HTR3D: variants seen among roughly 807,000 people sequenced by gnomAD.
The protein encoded by HTR3D is 5-hydroxytryptamine (serotonin) receptor 3 family member D.
A neutral mutation model predicts 45.8 loss-of-function variants in HTR3D; 47 were observed. That is an observed-to-expected ratio of 1.03 (90% CI 0.81 to 1.31). The LOEUF (loss-of-function observed/expected upper bound fraction) is 1.31, where lower values mean the gene tolerates loss of function less well. Ranked by LOEUF, HTR3D falls within the 50% of genes most tolerant of loss-of-function variation. HTR3D has a pLI of 0.00. For missense variants in HTR3D, 448 were observed against 506.9 expected (o/e 0.88, Z 1.12); for synonymous variants, 203 against 199.8 (o/e 1.02, Z -0.13).
chr3:184,038,815 C>T lies in HTR3D; in HGVS notation c.1055C>T (p.Ser352Leu), dbSNP rs373301720. ...GPGEAELTGG[S>L]EWTRAQREHE... ...GGGGAGGCAGAGCTGACAGGGGGCT[C>T]AGAATGGACAAGGGCCCAGCGGGAA... is the stretch of plus-strand genomic sequence containing the variant. Residue 352 changes from serine to leucine, a missense_variant, in exon 8 of 8, where the codon TCA becomes TTA. By Grantham distance (145) the Ser-to-Leu change is moderately radical. Transcript: ENST00000428798. This position sits in a 1 kb window ranked among gnomAD's most constrained non-coding sequence, Gnocchi z 4.5. 2 of 1,614,000 alleles carry T rather than the reference C, an allele frequency of 1.2e-6. No individual in the cohort carries two copies. The highest frequency in any genetic ancestry group is 2.2e-5 in the East Asian group (1 of 44,876).
intron 1 of HTR3D, among the ~76,000 whole-genome samples, chr3:184,034,268 T>C (rs893934720): frequency 9.9e-5 from 15 of 152,154 alleles, no homozygotes; most frequent in Non-Finnish European, 2.1e-4. Context: ...TATGCAGCCT[T>C]CAAATGGAAC....
intron 1 of HTR3D, 185 bp from the exon 2 acceptor site, chr3:184,034,993 T>C: frequency 7.4e-7 from 1 of 1,357,758 alleles, no homozygotes. Flanking sequence ...TGGACCTTCA[T>C]ACTGTGTTTT....
chr3:184,033,010 T>G, intron 1 of HTR3D: 1 of 1,551,962 alleles, frequency 6.4e-7, no homozygotes, highest in Non-Finnish European at 8.7e-7. Context: ...CCAACTACAG[T>G]GTCGCCACTC....
Position 184,039,168 on chromosome 3 carries a change from T to C in HTR3D, c.*193T>C. 1.7e-6 allele frequency: 1 copy of C among 596,734 alleles called. No homozygotes were observed. The highest frequency in any genetic ancestry group is 2.9e-6 in the Non-Finnish European group (1 of 342,708). The allele number at this position is 596,734 out of a possible 1,614,324, so 37.0% of individuals were successfully genotyped here. A position where few individuals can be genotyped will look rare whatever the true frequency, so the allele number is the denominator to read the frequency against. ...GTCGGGTCCTTGCTCCTGCATGCCA[T>C]CAGCCCCACTCAGCCCTCCCATACC... On this transcript the variant is annotated 3_prime_UTR_variant, in exon 8 of 8. Coordinates refer to ENST00000428798, the MANE Select transcript of HTR3D (RefSeq NM_001145143.1).
intron 2 of HTR3D, among the ~76,000 whole-genome samples, chr3:184,035,740 C>T (rs1225334728): frequency 6.6e-6 from 1 of 150,858 alleles, no homozygotes; most frequent in African/African-American, 2.4e-5. Context: ...GGCTCAAGGG[C>T]AGTGGTGCGA....
intron 5 of HTR3D, 95 bp downstream of exon 5, chr3:184,036,991 G>A: frequency 2.4e-6 from 3 of 1,256,796 alleles, no homozygotes; most frequent in Non-Finnish European, 3.3e-6. Context: ...GCCTCCCAAA[G>A]TGCTGGGATT....
At position 184,031,756 on chromosome 3, in the gene HTR3D, G is replaced by T; in HGVS notation, c.15G>T (p.Trp5Cys). ...AAGAGAGGAAGATGGAAAGAGGCTG[G>T]TTCCATGGGAAAGGATTCCTCCTTG... MERG[W>C]FHGKGFLLGF... Residue 5 changes from tryptophan to cysteine, a missense_variant, in exon 1 of 8, where the codon TGG becomes TGT. Coordinates refer to ENST00000428798, the MANE Select transcript of HTR3D (RefSeq NM_001145143.1). 6.4e-7 allele frequency: 1 copy of T among 1,551,364 alleles called. No homozygotes were observed. Among genetic ancestry groups the T allele is most frequent in the Non-Finnish European group, 8.7e-7 (1 of 1,146,764 alleles).
chr3:184,031,737 G>C, upstream of HTR3D: 1 of 1,550,084 alleles, frequency 6.5e-7, no homozygotes, highest in South Asian at 1.2e-5. Context: ...GCCAAAGAGA[G>C]GAAGATGGAA....
intron 5 of HTR3D, 24 bp from the exon 6 acceptor site, chr3:184,037,997 G>T: frequency 1.2e-6 from 2 of 1,609,782 alleles, no homozygotes; most frequent in Non-Finnish European, 1.7e-6. Context: ...CTTCTCACTT[G>T]CCCCTCCTTC....
rs1387738852 is a variant in HTR3D at position 184,032,829 on chromosome 3, C to A, written c.66+1022C>A. ...TCTCCCAGTGCCCCCTGTTTTCTCT[C>A]CATGCAGAAACACTCTCCAGGCCCC... is the stretch of plus-strand genomic sequence containing the variant. On this transcript the variant is annotated intron_variant, in intron 1 of 7. Coordinates refer to ENST00000428798, the MANE Select transcript of HTR3D (RefSeq NM_001145143.1). The A allele has an allele frequency of 2.6e-6, 4 of 1,549,884 alleles. No homozygotes were observed. In the East Asian group the frequency reaches 7.3e-5, roughly 28 times the overall value.
At position 184,036,232 on chromosome 3, in the gene HTR3D, G is replaced by A. The variant is rs564586180; in HGVS notation, c.197+132G>A. 27 of 1,485,048 alleles carry A rather than the reference G, an allele frequency of 1.8e-5. No individual in the cohort carries two copies. In the African/African-American group the frequency reaches 2.4e-4, roughly 13 times the overall value. The allele number at this position is 1,485,048 out of a possible 1,614,324, so 92.0% of individuals were successfully genotyped here. On this transcript the variant is annotated intron_variant, in intron 3 of 7. Transcript: ENST00000428798. ...GAATTGAAGAGCTTACAAACCCCCAGAATATGATTATAGGTAGAAGAGAGC... is the reference window on the plus strand; with the variant it reads ...GAATTGAAGAGCTTACAAACCCCCAAAATATGATTATAGGTAGAAGAGAGC...
intron 2 of HTR3D, 81 bp from the exon 3 acceptor site, chr3:184,035,934 C>T (rs771771341): frequency 2.5e-5 from 35 of 1,389,668 alleles, no homozygotes; most frequent in Non-Finnish European, 3.4e-5. Context: ...CTTCAGTGAT[C>T]CCCCCGCCTC....
chr3:184,036,410 T>C lies in HTR3D; in HGVS notation c.233T>C (p.Met78Thr), dbSNP rs868204428. The change falls in exon 4 of 8, where the codon ATG becomes ACG. Residue 78 changes from methionine to threonine, a missense_variant. Physicochemically the swap from Met to Thr is moderately conservative, Grantham distance 81 (BLOSUM62 -1). Coordinates refer to ENST00000428798, the MANE Select transcript of HTR3D (RefSeq NM_001145143.1). ...DQTPAGLMAS[M>T]SIVKATSNTI... is the part of the protein sequence containing the mutation. ...ACACCTGCAGGTCTCATGGCTAGTA[T>C]GTCAATAGTGAAGGCCACATCAAAC... The C allele has an allele frequency of 8.7e-6, 14 of 1,614,066 alleles. No individual in the cohort carries two copies. Among genetic ancestry groups the C allele is most frequent in the Non-Finnish European group, 1.2e-5 (14 of 1,180,048 alleles).
In HTR3D at chr3:184,035,268, T is replaced by C. The variant is rs1387115761; in HGVS notation, c.111+46T>C. Reference sequence around the variant, plus strand: ...CCTTTCCTCTACTCTGGTGCCTCTCTTTTTTCCACTCCTAGGTCCAGCTTT... The same window carrying C: ...CCTTTCCTCTACTCTGGTGCCTCTCCTTTTTCCACTCCTAGGTCCAGCTTT... On this transcript the variant is annotated intron_variant, in intron 2 of 7. Transcript: ENST00000428798. 4.1e-6 allele frequency: 6 copies of C among 1,474,372 alleles called. No individual in the cohort carries two copies. The African/African-American group carries it at 8.4e-5, about 21-fold the overall frequency. The allele number at this position is 1,474,372 out of a possible 1,614,324, so 91.3% of individuals were successfully genotyped here. A position where few individuals can be genotyped will look rare whatever the true frequency, so the allele number is the denominator to read the frequency against.
intron 1 of HTR3D, among the ~76,000 whole-genome samples, chr3:184,034,836 G>GA (rs1447243860): frequency 6.6e-6 from 1 of 151,998 alleles, no homozygotes; most frequent in Non-Finnish European, 1.5e-5. Context: ...TCAAAAAAAA[G>GA]AAAAAATGAT....
chr3:184,032,912 A>C, intron 1 of HTR3D: 1 of 1,552,446 alleles, frequency 6.4e-7, no homozygotes, highest in Non-Finnish European at 8.7e-7. Context: ...CGACACTTTG[A>C]TTATCAATTG....
Position 184,038,173 on chromosome 3 carries a change from C to T in HTR3D, c.669C>T (p.Tyr223=). Reference sequence around the variant, plus strand: ...TCAAGATGACTGTTCTGCTGGGCTACAGCGTCTTCCTGCTCATGATGAATG... The same window carrying T: ...TCAAGATGACTGTTCTGCTGGGCTATAGCGTCTTCCTGCTCATGATGAATG... ...APFKMTVLLG[Y]SVFLLMMNDL... Residue 223 remains tyrosine, a synonymous_variant, in exon 6 of 8, where the codon TAC becomes TAT. Coordinates refer to ENST00000428798, the MANE Select transcript of HTR3D (RefSeq NM_001145143.1). The surrounding 1 kb of genome is among the most constrained non-coding windows in gnomAD (Gnocchi z 4.5). 6.2e-7 allele frequency: 1 copy of T among 1,614,212 alleles called. No individual in the cohort carries two copies. The highest frequency in any genetic ancestry group is 8.5e-7 in the Non-Finnish European group (1 of 1,180,040).
chr3:184,038,022 T>G lies in HTR3D; in HGVS notation c.518T>G (p.Val173Gly). Residue 173 changes from valine (V) to glycine (G), a missense_variant and splice_region_variant, in exon 6 of 8, where the codon GTG becomes GGG. Val to Gly is a moderately radical substitution (Grantham distance 109). Transcript: ENST00000428798. This position sits in a 1 kb window ranked among gnomAD's most constrained non-coding sequence, Gnocchi z 4.5. ...TNQYEQAIFHVAIRRRCRPSP... is the reference protein window; with the variant it reads ...TNQYEQAIFHGAIRRRCRPSP... ...GCCCCTCCTTCTCCTCCCCACCAGG[T>G]GGCCATCAGGCGCAGGTGCAGGCCC... The G allele has an allele frequency of 6.2e-7, 1 of 1,613,222 alleles. No individual in the cohort carries two copies. Among genetic ancestry groups the G allele is most frequent in the Non-Finnish European group, 8.5e-7 (1 of 1,179,274 alleles).
intron 4 of HTR3D, 35 bp from the exon 5 acceptor site, chr3:184,036,713 G>T: frequency 6.4e-7 from 1 of 1,552,964 alleles, no homozygotes; most frequent in South Asian, 1.2e-5. Context: ...GGGAGGCTGA[G>T]TCTTCTGGGC....
Sources: gnomAD v4.1 joint callset for allele counts (sites outside exome capture counted in the v4.1 genomes callset) on GRCh38, gnomAD v4.1.1 for gene constraint, Gnocchi (gnomAD v3.1) non-coding constraint, MANE v1.5 for transcripts, NCBI Gene and HGNC (gene_info 2026-07-23, HGNC 2026-07-21) for gene names.